MEI4: variants seen among roughly 807,000 people sequenced by gnomAD.
The protein encoded by MEI4 is meiotic double-stranded break formation protein 4, also known as meiosis-specific protein MEI4.
Under a neutral mutation model 31.4 loss-of-function variants are expected in MEI4, and 27 were observed. That is an observed-to-expected ratio of 0.86 (90% CI 0.63 to 1.19). MEI4 has a LOEUF of 1.19. Ranked by LOEUF, MEI4 falls within the 50% of genes most tolerant of loss-of-function variation. MEI4 has a pLI of 0.00. For synonymous variants in MEI4, 122 were observed against 145.4 expected, an observed-to-expected ratio of 0.84 and a Z score of 1.16; for missense variants, 329 against 398.9, an observed-to-expected ratio of 0.82 and a Z score of 1.49.
At chr6:77,806,411 C>A (rs573752245) in intron 3 of MEI4, among the ~76,000 whole-genome samples, 26 of 152,134 alleles carry the variant, frequency 1.7e-4, no homozygotes, top group Middle Eastern at 3.4e-3. Context: ...TGGTGATAAA[C>A]AGAGAATTTA....
chr6:77,844,059 A>G (rs992410967), intron 4 of MEI4, among the ~76,000 whole-genome samples: 2 of 152,106 alleles, frequency 1.3e-5, no homozygotes, highest in African/African-American at 4.8e-5. Flanking sequence ...TTTACAGGGC[A>G]ATCAATCCAA....
At chr6:77,726,724 A>G (rs1477274365) in intron 2 of MEI4, among the ~76,000 whole-genome samples, 1 of 152,206 alleles carries the variant, frequency 6.6e-6, no homozygotes, top group Non-Finnish European at 1.5e-5. Context: ...AAAATCTGCT[A>G]GGAGAAGATA....
intron 2 of MEI4, among the ~76,000 whole-genome samples, chr6:77,730,803 G>GGTAGAGGAATATACTGGCA (rs1766963514): frequency 7.9e-6 from 1 of 125,830 alleles, no homozygotes; most frequent in African/African-American, 3.1e-5. Flanking sequence ...ACAGTCCCCA[G>GGTAGAGGAATATACTGGCA]AGTGTGATGT....
intron 3 of MEI4, among the ~76,000 whole-genome samples, chr6:77,808,618 C>A (rs1304375359): frequency 6.6e-6 from 1 of 152,026 alleles, no homozygotes; most frequent in Non-Finnish European, 1.5e-5. Flanking sequence ...AAGAGGAAAA[C>A]CTTGAGAGGA....
At chr6:77,659,797 C>T (rs1381609391) in intron 1 of MEI4, among the ~76,000 whole-genome samples, 1 of 151,982 alleles carries the variant, frequency 6.6e-6, no homozygotes, top group Non-Finnish European at 1.5e-5. Flanking sequence ...AGTTGGGCTT[C>T]GGAGATGAAG....
At chr6:77,761,747 CT>C in intron 3 of MEI4, 82 bp downstream of exon 3, 1 of 1,004,590 alleles carries the variant, frequency 1.0e-6, no homozygotes, top group Non-Finnish European at 1.3e-6. Context: ...GTTGTTGTCC[CT>C]TAGCCTTGTG....
intron 4 of MEI4, among the ~76,000 whole-genome samples, chr6:77,898,817 ATCTC>A (rs1330059700): frequency 2.6e-5 from 4 of 151,816 alleles, no homozygotes; most frequent in African/African-American, 9.7e-5. Context: ...GTCCCTTTAG[ATCTC>A]TCTGTCTTTT....
At chr6:77,861,539 G>T (rs1397021056) in intron 4 of MEI4, among the ~76,000 whole-genome samples, 1 of 152,062 alleles carries the variant, frequency 6.6e-6, no homozygotes, top group Non-Finnish European at 1.5e-5. Context: ...CCATGCCACA[G>T]AAATTTTTAT....
chr6:77,755,917 C>T (rs936255444), intron 2 of MEI4, among the ~76,000 whole-genome samples: 7 of 151,692 alleles, frequency 4.6e-5, no homozygotes, highest in South Asian at 2.1e-4. Context: ...GAGACATTAC[C>T]GCAAGCTTGT....
chr6:77,789,002 T>C (rs1020456615), intron 3 of MEI4, among the ~76,000 whole-genome samples: 3 of 152,108 alleles, frequency 2.0e-5, no homozygotes, highest in African/African-American at 7.2e-5. Flanking sequence ...GACTTCAAAC[T>C]ATACTACAAG....
intron 2 of MEI4, among the ~76,000 whole-genome samples, chr6:77,752,418 A>G (rs567503388): frequency 1.4e-4 from 21 of 152,224 alleles, no homozygotes; most frequent in Admixed American, 2.0e-4. Flanking sequence ...GCAAAGTCTC[A>G]GGATACAAAA....
chr6:77,663,495 G>T (rs1167011617), intron 1 of MEI4, among the ~76,000 whole-genome samples: 1 of 152,130 alleles, frequency 6.6e-6, no homozygotes, highest in African/African-American at 2.4e-5. Context: ...AATAGTCAGG[G>T]AAGCAGATAA....
chr6:77,662,758 G>A (rs1436604339), intron 1 of MEI4, among the ~76,000 whole-genome samples: 3 of 152,192 alleles, frequency 2.0e-5, no homozygotes, highest in Admixed American at 6.5e-5. Flanking sequence ...TGCCTAGGAA[G>A]GAAAGGAGTT....
chr6:77,747,074 G>C (rs1767629102), intron 2 of MEI4, among the ~76,000 whole-genome samples: 1 of 152,110 alleles, frequency 6.6e-6, no homozygotes, highest in Non-Finnish European at 1.5e-5. Context: ...TACTTTGGGA[G>C]GCTGAGGCGG....
intron 2 of MEI4, among the ~76,000 whole-genome samples, chr6:77,748,116 G>T (rs1394383909): frequency 2.0e-5 from 3 of 152,196 alleles, no homozygotes; most frequent in African/African-American, 4.8e-5. Context: ...AGTGCAAGCT[G>T]TTGGTGGATC....
intron 4 of MEI4, among the ~76,000 whole-genome samples, chr6:77,888,052 A>G (rs980524596): frequency 6.6e-6 from 1 of 152,120 alleles, no homozygotes; most frequent in Non-Finnish European, 1.5e-5. Context: ...TTTTTGATTT[A>G]AAGTTTATTT....
At chr6:77,893,351 C>A (rs1310827906) in intron 4 of MEI4, among the ~76,000 whole-genome samples, 1 of 152,106 alleles carries the variant, frequency 6.6e-6, no homozygotes, top group Non-Finnish European at 1.5e-5. Context: ...GTGAATTTCC[C>A]AGAATGTATT....
intron 4 of MEI4, among the ~76,000 whole-genome samples, chr6:77,867,492 A>C (rs1771069864): frequency 6.6e-6 from 1 of 152,228 alleles, no homozygotes; most frequent in South Asian, 2.1e-4. Context: ...GCCATCAGAG[A>C]AATGCAAATC....
At chr6:77,664,088 G>A (rs868695165) in intron 1 of MEI4, among the ~76,000 whole-genome samples, 1 of 152,238 alleles carries the variant, frequency 6.6e-6, no homozygotes, top group Non-Finnish European at 1.5e-5. Context: ...GGAAGTTCTT[G>A]TGTGCTGGAG....
Sources: allele counts gnomAD v4.1 joint callset (sites outside exome capture counted in the v4.1 genomes callset), GRCh38; gene constraint gnomAD v4.1.1; transcripts MANE v1.5; gene names NCBI Gene and HGNC (gene_info 2026-07-23, HGNC 2026-07-21).